CPVL: variants seen among roughly 807,000 people sequenced by gnomAD.
CPVL encodes probable serine carboxypeptidase CPVL.
Under a neutral mutation model 63.7 loss-of-function variants are expected in CPVL, and 51 were observed. That is an observed-to-expected ratio of 0.80 (90% CI 0.64 to 1.01). The LOEUF is 1.01. Ranked by LOEUF, CPVL falls within the 50% of genes least tolerant of loss-of-function variation. The pLI, the probability that CPVL is intolerant of heterozygous loss-of-function variation, is 0.00. For missense variants in CPVL, 530 were observed against 573.1 expected, an observed-to-expected ratio of 0.92 and a Z score of 0.77; for synonymous variants, 195 against 206.0, an observed-to-expected ratio of 0.95 and a Z score of 0.46.
chr7:29,095,122 A>G lies in CPVL; in HGVS notation c.424T>C (p.Trp142Arg). 1 of 1,613,970 alleles carries G rather than the reference A, an allele frequency of 6.2e-7. No homozygotes were observed. The highest frequency in any genetic ancestry group is 1.1e-5 in the South Asian group (1 of 91,066). ...TAAAGCATGGAGAGCGTTGTGGTCC[A>G]GGGGAAGTCTCTGTCACGCACTGTG... ...NMTLRDRDFP[W>R]TTTLSMLYID... The change falls in exon 5 of 13, where the codon TGG becomes CGG. Residue 142 changes from tryptophan to arginine, a missense_variant. Physicochemically the swap from Trp to Arg is moderately radical, Grantham distance 101. Coordinates refer to ENST00000265394, the MANE Select transcript of CPVL (RefSeq NM_031311.5).
At chr7:29,066,309 A>G (rs1023417160) in intron 9 of CPVL, among the ~76,000 whole-genome samples, 188 bp from the exon 10 acceptor site, 5 of 152,232 alleles carry the variant, frequency 3.3e-5, no homozygotes, top group Non-Finnish European at 7.3e-5. Context: ...GGCCATCAAC[A>G]AAACAGACCA....
upstream of CPVL, among the ~76,000 whole-genome samples, chr7:29,150,183 T>G (rs1012096884): frequency 6.6e-6 from 1 of 152,222 alleles, no homozygotes; most frequent in Non-Finnish European, 1.5e-5. Context: ...GTTCAGAGCA[T>G]GGGTCAGACT....
chr7:29,029,405 T>C (rs1248521185), intron 12 of CPVL, among the ~76,000 whole-genome samples: 2 of 152,182 alleles, frequency 1.3e-5, no homozygotes, highest in African/African-American at 4.8e-5. Flanking sequence ...TCACCCTAAG[T>C]GTCCATCAAC....
chr7:29,067,341 G>C (rs1783236481), intron 9 of CPVL, among the ~76,000 whole-genome samples: 1 of 152,200 alleles, frequency 6.6e-6, no homozygotes, highest in Non-Finnish European at 1.5e-5. Context: ...CTATTCAAAT[G>C]AGAGGGAGTA....
chr7:29,018,378 CTTT>C (rs70977092), intron 12 of CPVL, among the ~76,000 whole-genome samples: 4 of 124,000 alleles, frequency 3.2e-5, no homozygotes, highest in Non-Finnish European at 1.6e-5. Context: ...AATTTTTAAT[CTTT>C]TTTTTTTTTT....
At chr7:29,072,279 A>G (rs368591278) in intron 8 of CPVL, 22 bp downstream of exon 8, 1 of 1,613,474 alleles carries the variant, frequency 6.2e-7, no homozygotes, top group Non-Finnish European at 8.5e-7. Context: ...GACAAAATAG[A>G]AAGTCAGAAG....
chr7:28,996,307 TTAGCCA>T (rs1183481629), intron 12 of CPVL: 1 of 154,822 alleles, frequency 6.5e-6, no homozygotes, highest in Non-Finnish European at 1.4e-5. Flanking sequence ...CACCCTTCAG[TTAGCCA>T]GCCCAATTGT....
At chr7:29,111,228 T>C (rs1788193551) in intron 3 of CPVL, among the ~76,000 whole-genome samples, 1 of 152,220 alleles carries the variant, frequency 6.6e-6, no homozygotes, top group East Asian at 1.9e-4. Flanking sequence ...ATATAAAAAA[T>C]GCACACATAC....
At chr7:29,101,672 T>C (rs1436288353) in intron 3 of CPVL, among the ~76,000 whole-genome samples, 1 of 152,190 alleles carries the variant, frequency 6.6e-6, no homozygotes, top group East Asian at 1.9e-4. Flanking sequence ...CTAAAGGTTT[T>C]TTTTTTTCTT....
intron 12 of CPVL, among the ~76,000 whole-genome samples, chr7:29,018,049 T>C (rs1786590175): frequency 6.6e-6 from 1 of 152,208 alleles, no homozygotes; most frequent in Non-Finnish European, 1.5e-5. Context: ...GGAATTGATA[T>C]TGACAGTGAA....
At chr7:29,133,597 G>A (rs1790911271) in intron 1 of CPVL, among the ~76,000 whole-genome samples, 1 of 152,230 alleles carries the variant, frequency 6.6e-6, no homozygotes, top group African/African-American at 2.4e-5. Context: ...ATGGGTATAT[G>A]AAACTCAACA....
intron 1 of CPVL, among the ~76,000 whole-genome samples, chr7:29,190,906 T>C (rs1055796808): frequency 6.6e-6 from 1 of 151,412 alleles, no homozygotes; most frequent in African/African-American, 2.4e-5. Context: ...ATACAGGGGC[T>C]GGGCAAACAA....
intron 12 of CPVL, among the ~76,000 whole-genome samples, chr7:29,015,596 T>C (rs1270122378): frequency 3.9e-5 from 6 of 152,216 alleles, no homozygotes; most frequent in African/African-American, 1.4e-4. Flanking sequence ...GATGCCGTCA[T>C]GCTTCCCGTA....
intron 11 of CPVL, among the ~76,000 whole-genome samples, chr7:29,043,146 G>C (rs1789283826): frequency 6.6e-6 from 1 of 151,984 alleles, no homozygotes; most frequent in African/African-American, 2.4e-5. Flanking sequence ...CCCCCTCCCT[G>C]GTAGATAGCA....
chr7:29,154,308 C>G (rs1005981074), intron 5 of CPVL, among the ~76,000 whole-genome samples: 2 of 152,164 alleles, frequency 1.3e-5, no homozygotes, highest in Admixed American at 6.5e-5. Flanking sequence ...GATCAGGCCC[C>G]TCTCCATTCG....
intron 1 of CPVL, among the ~76,000 whole-genome samples, chr7:29,125,640 G>A (rs1017980538): frequency 9.2e-5 from 14 of 151,946 alleles, no homozygotes; most frequent in African/African-American, 1.9e-4. Context: ...TGATCCACCC[G>A]CCTCGGCCTC....
chr7:29,103,248 G>GTTTTTTTTTTT (rs71555783), intron 3 of CPVL, among the ~76,000 whole-genome samples: 1 of 96,156 alleles, frequency 1.0e-5, no homozygotes, highest in Non-Finnish European at 2.0e-5. Flanking sequence ...TTGTTGTTTT[G>GTTTTTTTTTTT]TTTTTTTTTT....
chr7:29,000,369 G>A (rs1350140874), intron 12 of CPVL, among the ~76,000 whole-genome samples: 1 of 148,428 alleles, frequency 6.7e-6, no homozygotes, highest in Non-Finnish European at 1.5e-5. Context: ...GGTGGGTGGG[G>A]TGGGGGTGGA....
chr7:29,129,721 C>T (rs1446560852), intron 1 of CPVL, among the ~76,000 whole-genome samples: 1 of 152,144 alleles, frequency 6.6e-6, no homozygotes, highest in African/African-American at 2.4e-5. Context: ...CCCACCTCGG[C>T]TTCCCAAAGT....
Sources: gnomAD v4.1 joint callset for allele counts (sites outside exome capture counted in the v4.1 genomes callset) on GRCh38, gnomAD v4.1.1 for gene constraint, MANE v1.5 for transcripts, NCBI Gene and HGNC (gene_info 2026-07-23, HGNC 2026-07-21) for gene names.